The following SAMMSON variants were observed in gnomAD, a reference collection of about 807,000 sequenced individuals.
SAMMSON encodes the protein survival associated mitochondrial melanoma specific oncogenic non-coding RNA.
intron 6 of SAMMSON, among the ~76,000 whole-genome samples, chr3:70,285,474 TG>T (rs1231793256): frequency 6.6e-6 from 1 of 152,082 alleles, no homozygotes; most frequent in Non-Finnish European, 1.5e-5. Flanking sequence ...ACATTTGGGT[TG>T]GTTCCAAGTC....
At chr3:70,386,580 C>T (rs1342389926) in intron 9 of SAMMSON, among the ~76,000 whole-genome samples, 3 of 151,988 alleles carry the variant, frequency 2.0e-5, no homozygotes, top group African/African-American at 7.2e-5. Flanking sequence ...TACGCTACAG[C>T]TCATGTTAAG....
chr3:70,235,737 A>G (rs191788383), intron 4 of SAMMSON, among the ~76,000 whole-genome samples: 1 of 152,238 alleles, frequency 6.6e-6, no homozygotes, highest in Non-Finnish European at 1.5e-5. Context: ...CAGGCCATTG[A>G]TAATTTATTG....
intron 4 of SAMMSON, among the ~76,000 whole-genome samples, chr3:70,199,484 A>G (rs1443451414): frequency 6.6e-6 from 1 of 152,130 alleles, no homozygotes; most frequent in Non-Finnish European, 1.5e-5. Flanking sequence ...TCTGTTTCTA[A>G]GTCAGTCCTT....
Position 70,034,825 on chromosome 3 carries a change from C to T in SAMMSON, n.417+21153C>T, listed in dbSNP as rs541376748. ...TGCTACTGCACTGCAGCCTGGGTGA[C>T]AGAGCAAGACTCCATCTCAAAAAAA... On this transcript the variant is annotated intron_variant and non_coding_transcript_variant, in intron 3 of 9. Coordinates refer to ENST00000642114, the Ensembl canonical transcript of SAMMSON. 2.6e-4 allele frequency among the ~76,000 whole-genome samples: 39 copies of T among 152,186 alleles called. 1 individual carries two copies. In the East Asian group the frequency reaches 7.4e-3, roughly 29 times the overall value.
intron 3 of SAMMSON, among the ~76,000 whole-genome samples, chr3:70,052,027 G>A (rs775823521): frequency 3.9e-5 from 6 of 152,122 alleles, no homozygotes; most frequent in Non-Finnish European, 7.4e-5. Flanking sequence ...GAGCCCTAGA[G>A]TTTGAGGCTG....
At chr3:70,191,625 T>C (rs1167808226) in intron 4 of SAMMSON, among the ~76,000 whole-genome samples, 4 of 152,246 alleles carry the variant, frequency 2.6e-5, no homozygotes, top group Non-Finnish European at 4.4e-5. Context: ...CTAATCATTG[T>C]ACAGGATAAC....
At chr3:70,181,494 G>A (rs968700834) in intron 4 of SAMMSON, among the ~76,000 whole-genome samples, 4 of 152,192 alleles carry the variant, frequency 2.6e-5, no homozygotes, top group African/African-American at 9.6e-5. Flanking sequence ...CTTCCTACAA[G>A]TGTGACTTGT....
At chr3:70,094,189 G>C (rs1420227258) in intron 4 of SAMMSON, among the ~76,000 whole-genome samples, 1 of 151,980 alleles carries the variant, frequency 6.6e-6, no homozygotes, top group Non-Finnish European at 1.5e-5. Flanking sequence ...AATATCTCTT[G>C]ATCATGCCTG....
At chr3:70,144,527 T>C (rs2067540297) in intron 4 of SAMMSON, among the ~76,000 whole-genome samples, 1 of 152,178 alleles carries the variant, frequency 6.6e-6, no homozygotes, top group Non-Finnish European at 1.5e-5. Flanking sequence ...TGTGGAATCC[T>C]GAACTTTATC....
chr3:70,433,673 G>A (rs955049570), intron 2 of SAMMSON, among the ~76,000 whole-genome samples: 1 of 151,962 alleles, frequency 6.6e-6, no homozygotes, highest in African/African-American at 2.4e-5. Context: ...TAATGTATCA[G>A]TTTTTTCTTT....
chr3:70,385,039 A>G (rs994916192), intron 9 of SAMMSON, among the ~76,000 whole-genome samples: 1 of 152,116 alleles, frequency 6.6e-6, no homozygotes, highest in Non-Finnish European at 1.5e-5. Context: ...AGGGGAATTA[A>G]TTAAACAAAA....
At chr3:70,124,518 A>G (rs961352920) in intron 4 of SAMMSON, among the ~76,000 whole-genome samples, 1 of 152,170 alleles carries the variant, frequency 6.6e-6, no homozygotes, top group Non-Finnish European at 1.5e-5. Flanking sequence ...TAGACTTAAA[A>G]TACTGTACCT....
intron 6 of SAMMSON, among the ~76,000 whole-genome samples, chr3:70,265,209 G>T (rs1453054240): frequency 1.3e-5 from 2 of 152,202 alleles, no homozygotes; most frequent in Admixed American, 6.5e-5. Context: ...AAGTAGGCTA[G>T]TGTTCATGTA....
intron 4 of SAMMSON, among the ~76,000 whole-genome samples, chr3:70,136,669 G>A (rs1335559397): frequency 6.6e-6 from 1 of 152,146 alleles, no homozygotes; most frequent in African/African-American, 2.4e-5. Context: ...TAGATAGCTG[G>A]TATAAACTGA....
intron 3 of SAMMSON, among the ~76,000 whole-genome samples, chr3:70,043,509 G>T (rs772268402): frequency 6.6e-6 from 1 of 152,014 alleles, no homozygotes; most frequent in Non-Finnish European, 1.5e-5. Context: ...GAACAGAATT[G>T]TGCCACCAGA....
chr3:70,051,974 T>C lies in SAMMSON; in HGVS notation n.418-19502T>C, dbSNP rs2067148220. Among the ~76,000 whole-genome samples, 4 of 152,124 alleles carry C rather than the reference T, an allele frequency of 2.6e-5. No homozygotes were observed. The South Asian group carries it at 8.3e-4, about 32-fold the overall frequency. ...GTAACCAGGCATGGTGGCATGTGCC[T>C]ATAGTCCCAGCTACTCAAGAGGCTG... On this transcript the variant is annotated intron_variant and non_coding_transcript_variant, in intron 3 of 9. Coordinates refer to ENST00000642114, the Ensembl canonical transcript of SAMMSON.
chr3:70,270,312 A>G (rs953298407), intron 6 of SAMMSON, among the ~76,000 whole-genome samples: 3 of 152,216 alleles, frequency 2.0e-5, no homozygotes, highest in African/African-American at 7.2e-5. Context: ...GAAATAAATA[A>G]AAACAGCTTC....
chr3:70,037,426 C>T (rs1403970314), intron 3 of SAMMSON, among the ~76,000 whole-genome samples: 1 of 151,976 alleles, frequency 6.6e-6, no homozygotes, highest in Non-Finnish European at 1.5e-5. Flanking sequence ...AACTCAATCT[C>T]CTCCTCCGCC....
intron 4 of SAMMSON, among the ~76,000 whole-genome samples, chr3:70,228,631 CTTT>C (rs199862446): frequency 1.3e-4 from 16 of 126,950 alleles, no homozygotes; most frequent in Non-Finnish European, 1.2e-4. Flanking sequence ...AGTTTTCTTA[CTTT>C]TTTTTTTTTT....
Sources: gnomAD v4.1 joint callset for allele counts (sites outside exome capture counted in the v4.1 genomes callset) on GRCh38, gnomAD v4.1.1 for gene constraint, MANE v1.5 for transcripts, NCBI Gene and HGNC (gene_info 2026-07-23, HGNC 2026-07-21) for gene names.